The following TTBK2 variants were observed in gnomAD, a reference collection of about 807,000 sequenced individuals.
The protein encoded by TTBK2 is tau-tubulin kinase 2.
TTBK2 carries 28 observed loss-of-function variants against 110.8 expected under a neutral mutation model. The observed-to-expected ratio is 0.25, with a 90% CI of 0.19 to 0.35. The LOEUF is 0.35. TTBK2 is among the 10% of genes least tolerant of loss of function. The probability of loss-of-function intolerance (pLI) is 1.00; values close to 1 mark genes in which losing one functional copy is unlikely to be tolerated. For synonymous variants in TTBK2, 532 were observed against 527.3 expected (o/e 1.01, Z -0.12); for missense variants, 1,369 against 1,500.3 (o/e 0.91, Z 1.45).
At chr15:42,859,072 TTTTA>T (rs1270573895) in intron 3 of TTBK2, among the ~76,000 whole-genome samples, 3 of 152,126 alleles carry the variant, frequency 2.0e-5, no homozygotes, top group South Asian at 2.1e-4. Flanking sequence ...CTGGAGTTTG[TTTTA>T]TTTATTTATT....
Position 42,752,431 on chromosome 15 carries a change from C to CA in TTBK2, c.2814dup (p.Val939CysfsTer3). ...ACAGGGATTCGGCTGTGTCTAGTTA[C>CA]AAAGGATGACCTAACCATATCCTTC... On this transcript the variant is annotated frameshift_variant, in exon 14 of 15. Coordinates refer to ENST00000267890, the MANE Select transcript of TTBK2 (RefSeq NM_173500.4). LOFTEE classifies it high-confidence loss of function. 1 of 1,614,170 alleles carries CA rather than the reference C, an allele frequency of 6.2e-7. No individual in the cohort carries two copies. The highest frequency in any genetic ancestry group is 8.5e-7 in the Non-Finnish European group (1 of 1,180,034).
intron 14 of TTBK2, among the ~76,000 whole-genome samples, chr15:42,750,514 G>GA (rs1438580660): frequency 1.3e-5 from 2 of 151,614 alleles, no homozygotes; most frequent in African/African-American, 4.8e-5. Context: ...GCAGGCAGAA[G>GA]AAAAAATCAG....
intron 7 of TTBK2, among the ~76,000 whole-genome samples, chr15:42,813,824 C>T (rs143686983): frequency 6.7e-6 from 1 of 149,376 alleles, no homozygotes; most frequent in African/African-American, 2.5e-5. Flanking sequence ...CCAGCCTGGG[C>T]GAAGGAGGGC....
At chr15:42,852,591 A>G (rs1893764238) in intron 3 of TTBK2, among the ~76,000 whole-genome samples, 1 of 152,218 alleles carries the variant, frequency 6.6e-6, no homozygotes, top group Non-Finnish European at 1.5e-5. Flanking sequence ...AGACACACAT[A>G]TTCTATTCCA....
At chr15:42,896,836 T>C (rs1895686265) in intron 1 of TTBK2, among the ~76,000 whole-genome samples, 1 of 151,952 alleles carries the variant, frequency 6.6e-6, no homozygotes, top group Non-Finnish European at 1.5e-5. Context: ...AGATTTAACA[T>C]GTAATAGGTT....
chr15:42,760,110 G>A (rs1421335269), intron 13 of TTBK2, among the ~76,000 whole-genome samples: 1 of 152,116 alleles, frequency 6.6e-6, no homozygotes, highest in African/African-American at 2.4e-5. Context: ...AATGGGCCGG[G>A]TGTGGTGGCT....
chr15:42,838,444 A>G (rs1372330855), intron 4 of TTBK2, among the ~76,000 whole-genome samples: 2 of 151,622 alleles, frequency 1.3e-5, no homozygotes, highest in Non-Finnish European at 2.9e-5. Flanking sequence ...TCTTCTCCCC[A>G]CTATAGCCAT....
intron 1 of TTBK2, among the ~76,000 whole-genome samples, chr15:42,899,041 G>T (rs1030446759): frequency 6.6e-6 from 1 of 152,138 alleles, no homozygotes; most frequent in African/African-American, 2.4e-5. Context: ...CACCCAGGCT[G>T]GAGTGCTGTG....
chr15:42,830,047 T>C lies in TTBK2; in HGVS notation c.323A>G (p.Gln108Arg), dbSNP rs1163039330. ...ACTAATGGTGAATGTGCCTCGGGAC[T>C]GGCTACGGCGAAGATCTGCCAGATT... is the stretch of plus-strand genomic sequence containing the variant. ...GRNLADLRRS[Q>R]SRGTFTISTT... The change falls in exon 5 of 15, where the codon CAG (glutamine) becomes CGG (arginine). Residue 108 changes from glutamine to arginine, a missense_variant. Gln to Arg is a conservative substitution (Grantham distance 43). Coordinates refer to ENST00000267890, the MANE Select transcript of TTBK2 (RefSeq NM_173500.4). 1 of 1,614,060 alleles carries C rather than the reference T, an allele frequency of 6.2e-7. No homozygotes were observed. Among genetic ancestry groups the C allele is most frequent in the African/African-American group, 1.3e-5 (1 of 74,928 alleles).
chr15:42,860,376 GA>G (rs1358652660), intron 3 of TTBK2, among the ~76,000 whole-genome samples: 2 of 151,170 alleles, frequency 1.3e-5, no homozygotes, highest in African/African-American at 4.9e-5. Context: ...GAAGCAGTTT[GA>G]AAAAAAAGAA....
At position 42,744,217 on chromosome 15, in the gene TTBK2, A is replaced by C. The variant is rs189511179; in HGVS notation, c.*1578T>G. On this transcript the variant is annotated 3_prime_UTR_variant, in exon 15 of 15. Coordinates refer to ENST00000267890, the MANE Select transcript of TTBK2 (RefSeq NM_173500.4). ...CGTTATATGCCTCAATAGTGTTTTG[A>C]GTTTGTTTTTTTAAAAAGCTCAACA... is the stretch of plus-strand genomic sequence containing the variant. The C allele has an allele frequency of 1.3e-5, 2 of 152,248 alleles. No homozygotes were observed. Among genetic ancestry groups the C allele is most frequent in the African/African-American group, 4.8e-5 (2 of 41,548 alleles). 9.4% of individuals were successfully genotyped at this position (152,248 alleles called of 1,614,324 possible).
At chr15:42,895,461 G>A in intron 1 of TTBK2, among the ~76,000 whole-genome samples, 1 of 149,990 alleles carries the variant, frequency 6.7e-6, no homozygotes, top group East Asian at 2.0e-4. Context: ...TTTACCCATG[G>A]AACAAATCTA....
At chr15:42,834,123 T>C (rs1892891759) in intron 4 of TTBK2, among the ~76,000 whole-genome samples, 1 of 133,674 alleles carries the variant, frequency 7.5e-6, no homozygotes, top group East Asian at 2.3e-4. Flanking sequence ...CCCCAGGAGG[T>C]AGAGGCGGAA....
intron 9 of TTBK2, among the ~76,000 whole-genome samples, chr15:42,809,687 C>T (rs10220718): frequency 0.066 from 10,049 of 152,252 alleles, 963 homozygotes; most frequent in African/African-American, 0.21. Context: ...TTGCTTACAA[C>T]ACAAATTGGC....
At position 42,752,689 on chromosome 15, in the gene TTBK2, C is replaced by G. The variant is rs2061883456; in HGVS notation, c.2557G>C (p.Glu853Gln). The change falls in exon 14 of 15, where the codon GAA becomes CAA. Residue 853 changes from glutamate to glutamine, a missense_variant. Around this residue, in one of 4 missense-constraint regions of TTBK2, gnomAD observed 1,097 missense variants for 1,114.7 expected, o/e 0.98. Coordinates refer to ENST00000267890, the MANE Select transcript of TTBK2 (RefSeq NM_173500.4). ...IMKLLTVGTSEISSRDIDPHV... is the reference protein window; with the variant it reads ...IMKLLTVGTSQISSRDIDPHV... ...GGGTCAATGTCTCTGGAAGAAATTT[C>G]TGAAGTTCCAACTGTCAGAAGCTTC... 1 of 1,614,120 alleles carries G rather than the reference C, an allele frequency of 6.2e-7. No homozygotes were observed. Among genetic ancestry groups the G allele is most frequent in the Non-Finnish European group, 8.5e-7 (1 of 1,180,046 alleles).
intron 3 of TTBK2, among the ~76,000 whole-genome samples, chr15:42,851,191 T>C (rs1483238691): frequency 1.3e-5 from 2 of 149,514 alleles, no homozygotes; most frequent in Admixed American, 1.3e-4. Context: ...GAGCTTGCAG[T>C]GAGCAGAGAT....
chr15:42,817,886 AT>A (rs1439136739), intron 6 of TTBK2, among the ~76,000 whole-genome samples: 6 of 152,130 alleles, frequency 3.9e-5, no homozygotes, highest in Non-Finnish European at 7.4e-5. Context: ...CTTCTACTCC[AT>A]TTTAAGGCTT....
chr15:42,777,214 C>T lies in TTBK2; in HGVS notation c.1226G>A (p.Gly409Asp). 3 of 1,614,130 alleles carry T rather than the reference C, an allele frequency of 1.9e-6. No homozygotes were observed. The highest frequency in any genetic ancestry group is 1.1e-5 in the South Asian group (1 of 91,076). Residue 409 changes from glycine to aspartate, a missense_variant, in exon 12 of 15, where the codon GGC (glycine) becomes GAC (aspartate). By Grantham distance (94) the Gly-to-Asp change is moderately conservative (BLOSUM62 -1). Around this residue, in one of 4 missense-constraint regions of TTBK2, gnomAD observed 1,097 missense variants for 1,114.7 expected, o/e 0.98. Coordinates refer to ENST00000267890, the MANE Select transcript of TTBK2 (RefSeq NM_173500.4). ...KAATEEENSH[G>D]QANGLLNAPS... is the part of the protein sequence containing the mutation. The stretch of plus-strand genomic sequence containing the variant: ...AGCATTGAGAAGACCATTTGCCTGG[C>T]CATGGCTGTTCTCCTCTTCAGTAGC...
At position 42,752,860 on chromosome 15, in the gene TTBK2, C is replaced by A. The variant is rs774867670; in HGVS notation, c.2386G>T (p.Gly796Trp). ...SDNEDEKLSRGQHCIEISSLP... is the reference protein window; with the variant it reads ...SDNEDEKLSRWQHCIEISSLP... The stretch of plus-strand genomic sequence containing the variant: ...GAGGAGATCTCAATACAATGCTGCC[C>A]TCTACTTAACTTCTCATCTTCATTA... Residue 796 changes from glycine to tryptophan, a missense_variant, in exon 14 of 15, where the codon GGG becomes TGG. By Grantham distance (184) the Gly-to-Trp change is radical (BLOSUM62 -2). Transcript: ENST00000267890. 3.7e-6 allele frequency: 6 copies of A among 1,614,030 alleles called. No homozygotes were observed. In the African/African-American group the frequency reaches 6.7e-5, roughly 18 times the overall value.
Sources: gnomAD v4.1 joint callset for allele counts (sites outside exome capture counted in the v4.1 genomes callset) on GRCh38, gnomAD v4.1.1 for gene constraint, gnomAD v4.1.1 regional missense constraint, MANE v1.5 for transcripts, NCBI Gene and HGNC (gene_info 2026-07-23, HGNC 2026-07-21) for gene names.